XRRA1: variants seen among roughly 807,000 people sequenced by gnomAD.
XRRA1 encodes X-ray radiation resistance associated 1.
Under a neutral mutation model 80.2 loss-of-function variants are expected in XRRA1, and 69 were observed. The ratio of observed to expected loss-of-function variants is 0.86; its 90% confidence interval spans 0.71 to 1.05. The LOEUF (loss-of-function observed/expected upper bound fraction) is 1.05. Among genes scored for constraint, XRRA1 ranks in the 50% least tolerant of loss-of-function variants. The pLI is 0.00. For synonymous variants in XRRA1, 348 were observed against 389.9 expected (o/e 0.89, Z 1.27); for missense variants, 967 against 976.4 (o/e 0.99, Z 0.13).
At chr11:74,862,917 G>A (rs1207713558) in intron 11 of XRRA1, 64 bp downstream of exon 11, 2 of 1,354,604 alleles carry the variant, frequency 1.5e-6, no homozygotes, top group Non-Finnish European at 2.0e-6. Flanking sequence ...TATTTTATTT[G>A]ATTTTGTCTA....
At chr11:74,893,028 C>T (rs2051211810) in intron 10 of XRRA1, among the ~76,000 whole-genome samples, 1 of 152,150 alleles carries the variant, frequency 6.6e-6, no homozygotes, top group Admixed American at 6.5e-5. Context: ...ACTAGAAATA[C>T]CATTTGACCC....
At chr11:74,887,282 T>TA (rs1215446258) in intron 10 of XRRA1, among the ~76,000 whole-genome samples, 1 of 152,044 alleles carries the variant, frequency 6.6e-6, no homozygotes, top group Non-Finnish European at 1.5e-5. Context: ...AGTAAACAGA[T>TA]AAAGTATAGA....
chr11:74,863,073 C>A, intron 10 of XRRA1, 52 bp from the exon 11 acceptor site: 1 of 1,531,600 alleles, frequency 6.5e-7, no homozygotes, highest in Non-Finnish European at 8.9e-7. Flanking sequence ...TGATTGATGC[C>A]TAGAGCACCC....
rs1313762701 is a variant in XRRA1, at chr11:74,944,031, A to G, written c.-5+987T>C. 2.6e-5 allele frequency among the ~76,000 whole-genome samples: 4 copies of G among 152,152 alleles called. No homozygotes were observed. In the East Asian group the frequency reaches 5.8e-4, roughly 22 times the overall value. ...GGCACAGGGTTTCGCCATATTGCCC[A>G]GACTGGTCTCAAACTCCTGTGCTCA... is the stretch of plus-strand genomic sequence containing the variant. On this transcript the variant is annotated intron_variant, in intron 2 of 18. Transcript: ENST00000684022.
intron 7 of XRRA1, among the ~76,000 whole-genome samples, chr11:74,927,123 T>C (rs189913751): frequency 3.9e-5 from 6 of 152,314 alleles, no homozygotes; most frequent in Admixed American, 2.0e-4. Flanking sequence ...GGACATGACC[T>C]TTGGCATTTA....
chr11:74,897,684 T>C (rs2052653827), intron 10 of XRRA1, among the ~76,000 whole-genome samples: 1 of 129,152 alleles, frequency 7.7e-6, no homozygotes, highest in Middle Eastern at 4.5e-3. Flanking sequence ...CAGGAGAGAG[T>C]GGCATGACAT....
chr11:74,853,759 A>G (rs2040439511), intron 12 of XRRA1, among the ~76,000 whole-genome samples: 1 of 152,236 alleles, frequency 6.6e-6, no homozygotes, highest in African/African-American at 2.4e-5. Flanking sequence ...TGTCCTATAC[A>G]AAGAGAAAAA....
rs1329007186 is a variant in XRRA1 at position 74,877,610 on chromosome 11, C to A, written c.1004-14589G>T. Among the ~76,000 whole-genome samples the A allele has an allele frequency of 5.4e-5, 6 of 111,272 alleles. No individual in the cohort carries two copies. The East Asian group carries it at 1.3e-3, about 25-fold the overall frequency. 73.0% of individuals were successfully genotyped at this position (111,272 alleles called of 152,430 possible). On this transcript the variant is annotated intron_variant, in intron 10 of 18. Transcript: ENST00000684022. ...TATATCTCCCGATGCTATCCCTCCC[C>A]CCTCCCCCCACCCCACAACAGTCCC...
intron 12 of XRRA1, among the ~76,000 whole-genome samples, chr11:74,855,216 A>G (rs1194779100): frequency 6.6e-6 from 1 of 152,176 alleles, no homozygotes; most frequent in East Asian, 1.9e-4. Flanking sequence ...GGTGCCCAAT[A>G]TGTTTTGATA....
chr11:74,905,295 C>A (rs2054349161), intron 10 of XRRA1, among the ~76,000 whole-genome samples: 1 of 152,208 alleles, frequency 6.6e-6, no homozygotes, highest in South Asian at 2.1e-4. Context: ...GCCTGAAACT[C>A]CTGGCCTCAA....
At chr11:74,918,197 G>A (rs534804699) in intron 8 of XRRA1, among the ~76,000 whole-genome samples, 2 of 152,034 alleles carry the variant, frequency 1.3e-5, no homozygotes, top group East Asian at 3.9e-4. Flanking sequence ...AATAGGTGAT[G>A]GAAAAAAGGA....
At chr11:74,856,224 A>G (rs1233230685) in intron 12 of XRRA1, among the ~76,000 whole-genome samples, 1 of 152,246 alleles carries the variant, frequency 6.6e-6, no homozygotes, top group Admixed American at 6.5e-5. Flanking sequence ...TGAGCATATA[A>G]GATGTAAGCA....
At chr11:74,879,616 C>G (rs2046979646) in intron 10 of XRRA1, among the ~76,000 whole-genome samples, 1 of 151,984 alleles carries the variant, frequency 6.6e-6, no homozygotes, top group Non-Finnish European at 1.5e-5. Context: ...ATAGATAGCT[C>G]TTATTATTTT....
chr11:74,948,522 T>C (rs1487918959), intron 1 of XRRA1, among the ~76,000 whole-genome samples: 2 of 152,234 alleles, frequency 1.3e-5, no homozygotes, highest in Admixed American at 6.5e-5. Flanking sequence ...TACTATTACA[T>C]CCTAAAACCG....
intron 10 of XRRA1, among the ~76,000 whole-genome samples, chr11:74,893,444 C>T (rs1228035229): frequency 6.6e-6 from 1 of 151,862 alleles, no homozygotes; most frequent in East Asian, 1.9e-4. Context: ...TGGAGTTATA[C>T]CTAACATTAA....
At chr11:74,883,488 G>A in intron 10 of XRRA1, among the ~76,000 whole-genome samples, 1 of 152,002 alleles carries the variant, frequency 6.6e-6, no homozygotes, top group Non-Finnish European at 1.5e-5. Context: ...CGCTCACGCT[G>A]GGAGCTGTAG....
chr11:74,914,781 A>G (rs1937994998), intron 8 of XRRA1, among the ~76,000 whole-genome samples: 1 of 151,186 alleles, frequency 6.6e-6, no homozygotes, highest in African/African-American at 2.4e-5. Flanking sequence ...ACCTGACCAC[A>G]GGATACTATG....
rs1317040688 is a variant in XRRA1 at position 74,840,985 on chromosome 11, G to A, written c.*2215C>T. 2 of 152,020 alleles carry A rather than the reference G, an allele frequency of 1.3e-5. No homozygotes were observed. The highest frequency in any genetic ancestry group is 4.8e-5 in the African/African-American group (2 of 41,398). 9.4% of individuals were successfully genotyped at this position (152,020 alleles called of 1,614,324 possible). ...TTTTCTTCCTGATTTTTTTCAGTTA[G>A]TTAGAGTTAAATGTACCTATAGCCC... On this transcript the variant is annotated 3_prime_UTR_variant, in exon 19 of 19. Transcript: ENST00000684022.
At chr11:74,869,192 T>C (rs1003420209) in intron 10 of XRRA1, among the ~76,000 whole-genome samples, 5 of 151,894 alleles carry the variant, frequency 3.3e-5, no homozygotes, top group Admixed American at 2.6e-4. Flanking sequence ...ACTAAGAAAA[T>C]TGCTCAAAAC....
Sources: gnomAD v4.1 joint callset for allele counts (sites outside exome capture counted in the v4.1 genomes callset) on GRCh38, gnomAD v4.1.1 for gene constraint, MANE v1.5 for transcripts, NCBI Gene and HGNC (gene_info 2026-07-23, HGNC 2026-07-21) for gene names.